TMPRSS15: variants seen among roughly 807,000 people sequenced by gnomAD.
TMPRSS15 encodes the protein transmembrane serine protease 15.
In TMPRSS15, 128 loss-of-function variants were observed where a neutral mutation model predicts 125.3. The ratio of observed to expected loss-of-function variants is 1.02; its 90% confidence interval spans 0.89 to 1.18. The LOEUF is 1.18. Among genes scored for constraint, TMPRSS15 ranks in the 50% most tolerant of loss-of-function variants. The pLI, the probability that TMPRSS15 is intolerant of heterozygous loss-of-function variation, is 0.00. For missense variants in TMPRSS15, 1,283 were observed against 1,212.7 expected, an observed-to-expected ratio of 1.06 and a Z score of -0.86; for synonymous variants, 446 against 423.2, an observed-to-expected ratio of 1.05 and a Z score of -0.66.
In TMPRSS15 at chr21:18,269,561, T is replaced by C. The variant is rs2074528727; in HGVS notation, c.*408A>G. 6.2e-6 allele frequency: 1 copy of C among 160,144 alleles called. No homozygotes were observed. Among genetic ancestry groups the C allele is most frequent in the African/African-American group, 2.4e-5 (1 of 41,494 alleles). 9.9% of individuals were successfully genotyped at this position (160,144 alleles called of 1,614,324 possible). On this transcript the variant is annotated 3_prime_UTR_variant, in exon 25 of 25. Transcript: ENST00000284885. ...ACTAGAAAATTTATGGCAGTTTATT[T>C]CCAACAGTGACATACTTTGGGAAAA...
chr21:18,382,441 C>G (rs2075901365), intron 4 of TMPRSS15, among the ~76,000 whole-genome samples: 1 of 152,058 alleles, frequency 6.6e-6, no homozygotes, highest in Non-Finnish European at 1.5e-5. Flanking sequence ...TTGCAGGAGA[C>G]TCAATCAAAG....
At chr21:18,381,442 T>C (rs748306351) in intron 4 of TMPRSS15, among the ~76,000 whole-genome samples, 17 of 152,132 alleles carry the variant, frequency 1.1e-4, no homozygotes, top group Non-Finnish European at 1.3e-4. Flanking sequence ...AATTTAAAAC[T>C]ATAAATTTGA....
intron 1 of TMPRSS15, among the ~76,000 whole-genome samples, chr21:18,412,182 T>G (rs1888150573): frequency 1.3e-5 from 2 of 152,208 alleles, no homozygotes; most frequent in Non-Finnish European, 2.9e-5. Flanking sequence ...CATGTTACTT[T>G]TTAACTTTAA....
intron 6 of TMPRSS15, among the ~76,000 whole-genome samples, chr21:18,366,900 A>G (rs184017607): frequency 6.6e-6 from 1 of 152,232 alleles, no homozygotes; most frequent in East Asian, 1.9e-4. Context: ...ATTCTATCAA[A>G]TTACATAATA....
At chr21:18,449,517 T>C (rs1040466351) in intron 1 of TMPRSS15, among the ~76,000 whole-genome samples, 3 of 152,172 alleles carry the variant, frequency 2.0e-5, no homozygotes, top group African/African-American at 7.2e-5. Context: ...TATTACTTAC[T>C]GGTTATGTAA....
At chr21:18,284,600 C>T (rs1206641658) in intron 21 of TMPRSS15, among the ~76,000 whole-genome samples, 8 of 152,092 alleles carry the variant, frequency 5.3e-5, no homozygotes, top group African/African-American at 9.7e-5. Context: ...GGTCTCAAAG[C>T]ATCTCTTTTC....
At chr21:18,376,530 A>T (rs143567857) in intron 5 of TMPRSS15, among the ~76,000 whole-genome samples, 1 of 152,248 alleles carries the variant, frequency 6.6e-6, no homozygotes, top group East Asian at 1.9e-4. Context: ...TCCAATTCTC[A>T]AACTCTTTCA....
chr21:18,379,016 T>C (rs1387324038), intron 5 of TMPRSS15, among the ~76,000 whole-genome samples: 3 of 152,146 alleles, frequency 2.0e-5, no homozygotes, highest in Non-Finnish European at 2.9e-5. Flanking sequence ...ACTGGTGATA[T>C]TCTTATCAAC....
chr21:18,338,410 C>A (rs2075414001), intron 13 of TMPRSS15, among the ~76,000 whole-genome samples: 1 of 151,976 alleles, frequency 6.6e-6, no homozygotes, highest in Non-Finnish European at 1.5e-5. Context: ...TATTTGGTAT[C>A]TGTAGGAATA....
chr21:18,329,594 CAATAT>C (rs1486339620), intron 14 of TMPRSS15, among the ~76,000 whole-genome samples: 2 of 151,142 alleles, frequency 1.3e-5, no homozygotes, highest in Admixed American at 6.6e-5. Flanking sequence ...TTTACCTCTA[CAATAT>C]AACATTTATG....
At chr21:18,404,193 T>TGGAA (rs1366439237), upstream of TMPRSS15, among the ~76,000 whole-genome samples, 1 of 152,226 alleles carries the variant, frequency 6.6e-6, no homozygotes, top group African/African-American at 2.4e-5. Flanking sequence ...TATACATGTA[T>TGGAA]TCCTTATGGA....
intron 10 of TMPRSS15, among the ~76,000 whole-genome samples, chr21:18,347,883 C>A (rs1332628560): frequency 1.3e-5 from 2 of 152,068 alleles, no homozygotes; most frequent in Non-Finnish European, 2.9e-5. Flanking sequence ...GTAATCCCAG[C>A]AATTTGGGAG....
At chr21:18,356,070 C>T (rs1464779139) in intron 8 of TMPRSS15, among the ~76,000 whole-genome samples, 1 of 151,828 alleles carries the variant, frequency 6.6e-6, no homozygotes, top group Non-Finnish European at 1.5e-5. Context: ...CCAATGTCTT[C>T]TACTAAAAAT....
chr21:18,374,466 C>T (rs1333669391), intron 5 of TMPRSS15, among the ~76,000 whole-genome samples: 1 of 105,036 alleles, frequency 9.5e-6, no homozygotes, highest in African/African-American at 3.8e-5. Context: ...GGCGACAGAG[C>T]GAGACTCCGT....
At chr21:18,275,412 T>C in intron 23 of TMPRSS15, 76 bp from the exon 24 acceptor site, 3 of 1,544,882 alleles carry the variant, frequency 1.9e-6, no homozygotes, top group East Asian at 2.2e-5. Context: ...CCATCAGTCC[T>C]ATTTATTCCA....
At chr21:18,339,281 G>A (rs1226032963) in intron 13 of TMPRSS15, among the ~76,000 whole-genome samples, 1 of 152,122 alleles carries the variant, frequency 6.6e-6, no homozygotes, top group Non-Finnish European at 1.5e-5. Context: ...AGGAATGTAA[G>A]TGCTCATTCA....
At chr21:18,473,113 C>A (rs552083363) in intron 1 of TMPRSS15, among the ~76,000 whole-genome samples, 34 of 152,188 alleles carry the variant, frequency 2.2e-4, no homozygotes, top group Non-Finnish European at 1.6e-4. Context: ...TAACAAAGCA[C>A]CCTTATCTAA....
chr21:18,365,184 A>G lies in TMPRSS15; in HGVS notation c.729T>C (p.Tyr243=). 1 of 1,614,132 alleles carries G rather than the reference A, an allele frequency of 6.2e-7. No individual in the cohort carries two copies. The highest frequency in any genetic ancestry group is 8.5e-7 in the Non-Finnish European group (1 of 1,180,010). ...GSSGSFQATH[Y]PKPSETSVVC... ...CAACACTTGTTTCAGAAGGTTTTGG[A>G]TAATGAGTAGCCTGGAAAGACCCAG... The change falls in exon 7 of 25, where the codon TAT becomes TAC. Residue 243 remains tyrosine, a synonymous_variant. Coordinates refer to ENST00000284885, the MANE Select transcript of TMPRSS15 (RefSeq NM_002772.3).
chr21:18,332,793 C>T (rs887009264), intron 13 of TMPRSS15, among the ~76,000 whole-genome samples: 4 of 152,116 alleles, frequency 2.6e-5, no homozygotes, highest in African/African-American at 9.7e-5. Context: ...CACATGCACA[C>T]GTTTTTTCAT....
Sources: gnomAD v4.1 joint callset for allele counts (sites outside exome capture counted in the v4.1 genomes callset) on GRCh38, gnomAD v4.1.1 for gene constraint, MANE v1.5 for transcripts, NCBI Gene and HGNC (gene_info 2026-07-23, HGNC 2026-07-21) for gene names.